KCNMA1: variants seen among roughly 807,000 people sequenced by gnomAD.
The protein encoded by KCNMA1 is Calcium-activated potassium channel subunit alpha-1.
KCNMA1 carries 29 observed loss-of-function variants against 140.0 expected under a neutral mutation model. The ratio of observed to expected loss-of-function variants is 0.21; its 90% CI spans 0.15 to 0.28. The LOEUF (loss-of-function observed/expected upper bound fraction) is 0.28, where lower values mean the gene tolerates loss of function less well. KCNMA1 is among the 10% of genes least tolerant of loss of function. KCNMA1 has a pLI of 1.00. For synonymous variants in KCNMA1, 612 were observed against 611.9 expected, an observed-to-expected ratio of 1.00 and a Z score of 0.00; for missense variants, 880 against 1,602.2, an observed-to-expected ratio of 0.55 and a Z score of 7.70.
intron 1 of KCNMA1, among the ~76,000 whole-genome samples, chr10:77,496,648 G>C (rs1042294110): frequency 1.7e-4 from 24 of 144,896 alleles, no homozygotes; most frequent in Admixed American, 1.1e-3. Flanking sequence ...CGCCCTGTCA[G>C]ACCAGTGGGC....
intron 25 of KCNMA1, among the ~76,000 whole-genome samples, chr10:76,906,234 G>C (rs1290002204): frequency 6.6e-6 from 1 of 152,164 alleles, no homozygotes; most frequent in Non-Finnish European, 1.5e-5. Context: ...AAAGAAATCT[G>C]AATACTCATA....
intron 1 of KCNMA1, among the ~76,000 whole-genome samples, chr10:77,495,956 G>T (rs1451517365): frequency 6.6e-6 from 1 of 152,160 alleles, no homozygotes; most frequent in East Asian, 1.9e-4. Context: ...GAAGCTCACT[G>T]GCACCAAGGC....
At chr10:76,911,509 G>T (rs2050235707) in intron 24 of KCNMA1, 1 of 152,180 alleles carries the variant, frequency 6.6e-6, no homozygotes, top group Non-Finnish European at 1.5e-5. Flanking sequence ...ACCTTAGTTT[G>T]TTTCTGTAAA....
In KCNMA1 at chr10:77,300,927, C is replaced by A. The variant is rs138378837; in HGVS notation, c.541-49671G>T. 2.4e-3 allele frequency among the ~76,000 whole-genome samples: 361 copies of A among 152,302 alleles called. 3 individuals carry two copies. Among genetic ancestry groups the A allele is most frequent in the African/African-American group, 7.5e-3 (312 of 41,572 alleles). On this transcript the variant is annotated intron_variant, in intron 2 of 27. Coordinates refer to ENST00000286628, the MANE Select transcript of KCNMA1 (RefSeq NM_001161352.2). Reference sequence around the variant, plus strand: ...ACAGAAATCCTAGGGCACTCGCTGGCCCCACAGGTTCTGATTCCATTAATG... The same window carrying A: ...ACAGAAATCCTAGGGCACTCGCTGGACCCACAGGTTCTGATTCCATTAATG...
At chr10:77,240,915 T>G (rs2057107460) in intron 3 of KCNMA1, among the ~76,000 whole-genome samples, 3 of 152,340 alleles carry the variant, frequency 2.0e-5, no homozygotes, top group South Asian at 4.1e-4. Flanking sequence ...CCAGTAAGAC[T>G]CATTGTCAGA....
intron 6 of KCNMA1, among the ~76,000 whole-genome samples, chr10:77,114,213 G>A (rs1425264274): frequency 6.6e-6 from 1 of 152,152 alleles, no homozygotes; most frequent in Admixed American, 6.5e-5. Context: ...TTCCTTGAGT[G>A]GATCAACTGG....
chr10:77,281,223 C>T (rs908185278), intron 2 of KCNMA1, among the ~76,000 whole-genome samples: 4 of 152,148 alleles, frequency 2.6e-5, no homozygotes, highest in African/African-American at 9.7e-5. Flanking sequence ...TGGCAAGTGC[C>T]ACAGACAACA....
intron 1 of KCNMA1, among the ~76,000 whole-genome samples, chr10:77,626,631 G>A (rs2092564011): frequency 6.6e-6 from 1 of 152,162 alleles, no homozygotes; most frequent in African/African-American, 2.4e-5. Flanking sequence ...CAACGTCAAT[G>A]TGGCAACTTC....
chr10:76,884,941 AAAACC>A lies in KCNMA1; in HGVS notation c.*2320_*2324del. The A allele has an allele frequency of 6.6e-7, 1 of 1,522,192 alleles. No individual in the cohort carries two copies. Among genetic ancestry groups the A allele is most frequent in the Non-Finnish European group, 8.8e-7 (1 of 1,136,210 alleles). The allele number at this position is 1,522,192 out of a possible 1,614,324, so 94.3% of individuals were successfully genotyped here. On this transcript the variant is annotated 3_prime_UTR_variant, in exon 28 of 28. Transcript: ENST00000286628. ...TTTCACAAGGACAACGTTATAGAAGAAAACCCCCAGCAGTGGCTAGGTCATGCAGA... is the reference window on the plus strand; with the variant it reads ...TTTCACAAGGACAACGTTATAGAAGACCCAGCAGTGGCTAGGTCATGCAGA...
chr10:77,015,554 T>C (rs1214143888), intron 17 of KCNMA1, among the ~76,000 whole-genome samples: 2 of 152,062 alleles, frequency 1.3e-5, no homozygotes, highest in Non-Finnish European at 2.9e-5. Context: ...TCATCTCCAA[T>C]TCACACTTAT....
At chr10:77,226,448 C>T (rs1369784074) in intron 3 of KCNMA1, among the ~76,000 whole-genome samples, 4 of 151,828 alleles carry the variant, frequency 2.6e-5, no homozygotes, top group South Asian at 2.1e-4. Context: ...CACTGGGAGA[C>T]GTCCTATTTG....
At chr10:76,993,944 C>T (rs995097771) in intron 19 of KCNMA1, among the ~76,000 whole-genome samples, 1 of 152,222 alleles carries the variant, frequency 6.6e-6, no homozygotes. Flanking sequence ...TACATTATCT[C>T]GAGGTTTCAT....
chr10:77,446,098 CCT>C (rs1008864828), intron 1 of KCNMA1, among the ~76,000 whole-genome samples: 1 of 101,852 alleles, frequency 9.8e-6, no homozygotes, highest in African/African-American at 3.8e-5. Flanking sequence ...CTCCCTGAAA[CCT>C]CTCTTCAAAG....
At chr10:77,455,883 G>A (rs1282948733) in intron 1 of KCNMA1, among the ~76,000 whole-genome samples, 1 of 152,208 alleles carries the variant, frequency 6.6e-6, no homozygotes, top group Non-Finnish European at 1.5e-5. Flanking sequence ...AGTCCTCAGA[G>A]CTTTCAGTCC....
chr10:77,558,842 AC>A (rs1225064292), intron 1 of KCNMA1, among the ~76,000 whole-genome samples: 1 of 152,188 alleles, frequency 6.6e-6, no homozygotes, highest in Non-Finnish European at 1.5e-5. Context: ...TTGACACAGT[AC>A]CTCTGGCATG....
intron 5 of KCNMA1, among the ~76,000 whole-genome samples, chr10:77,171,356 TC>T (rs1458476164): frequency 4.6e-5 from 7 of 151,388 alleles, no homozygotes; most frequent in Admixed American, 6.6e-5. Context: ...CCAAAGAGCC[TC>T]ACAGAATAGA....
chr10:76,990,046 T>G (rs1351898990), intron 19 of KCNMA1, among the ~76,000 whole-genome samples: 1 of 152,202 alleles, frequency 6.6e-6, no homozygotes, highest in Non-Finnish European at 1.5e-5. Context: ...GTGCAACCAC[T>G]CTGTGAGATA....
At chr10:77,092,477 C>A (rs1417350880) in intron 9 of KCNMA1, among the ~76,000 whole-genome samples, 1 of 152,204 alleles carries the variant, frequency 6.6e-6, no homozygotes, top group East Asian at 1.9e-4. Context: ...ACATAGACTT[C>A]CAAGATTAGG....
intron 16 of KCNMA1, among the ~76,000 whole-genome samples, chr10:77,026,755 T>G (rs1198660999): frequency 6.6e-6 from 1 of 152,228 alleles, no homozygotes; most frequent in Non-Finnish European, 1.5e-5. Flanking sequence ...AAACATTGGA[T>G]TGATCTGTTT....
Sources: allele counts gnomAD v4.1 joint callset (sites outside exome capture counted in the v4.1 genomes callset), GRCh38; gene constraint gnomAD v4.1.1; transcripts MANE v1.5; gene names NCBI Gene and HGNC (gene_info 2026-07-23, HGNC 2026-07-21).